SHOC1: variants seen among roughly 807,000 people sequenced by gnomAD.
The protein encoded by SHOC1 is protein shortage in chiasmata 1 ortholog.
In SHOC1, 136 loss-of-function variants were observed where a neutral mutation model predicts 179.2. That is an observed-to-expected ratio of 0.76 (90% CI 0.66 to 0.87). The LOEUF (loss-of-function observed/expected upper bound fraction) is 0.87, where lower values mean the gene tolerates loss of function less well. Among genes scored for constraint, SHOC1 ranks in the 40% least tolerant of loss-of-function variants. The probability of loss-of-function intolerance (pLI) is 0.00; values close to 1 mark genes in which losing one functional copy is unlikely to be tolerated. For missense variants in SHOC1, 1,538 were observed against 1,700.8 expected (o/e 0.90, Z 1.68); for synonymous variants, 489 against 586.6 (o/e 0.83, Z 2.41).
intron 3 of SHOC1, chr9:111,783,579 T>C (rs823631): frequency 0.076 from 11,562 of 152,276 alleles, 633 homozygotes; most frequent in South Asian, 0.21. Flanking sequence ...GTTAGAGTGT[T>C]CCAGGGCTCT....
chr9:111,705,170 TACACACACACACACACACACACACAC>T, intron 21 of SHOC1, 51 bp downstream of exon 21: 4 of 492,134 alleles, frequency 8.1e-6, no homozygotes, highest in Non-Finnish European at 1.4e-5. Flanking sequence ...AGAATATATA[TACACACACACACACACACACACACAC>T]ATATATATAT....
intron 8 of SHOC1, among the ~76,000 whole-genome samples, chr9:111,754,167 T>G (rs1834745244): frequency 6.6e-6 from 1 of 152,076 alleles, no homozygotes; most frequent in Non-Finnish European, 1.5e-5. Context: ...TACAATTTTG[T>G]CACAAAAACA....
At chr9:111,702,027 T>C (rs1831994130) in intron 23 of SHOC1, 78 bp downstream of exon 23, 9 of 1,029,216 alleles carry the variant, frequency 8.7e-6, no homozygotes, top group Admixed American at 2.9e-5. Flanking sequence ...GAAAATTGCA[T>C]AGCCATTTCC....
intron 1 of SHOC1, among the ~76,000 whole-genome samples, chr9:111,792,909 G>A (rs1836495091): frequency 6.6e-6 from 1 of 150,812 alleles, no homozygotes; most frequent in African/African-American, 2.4e-5. Flanking sequence ...TTGAGACGGA[G>A]TCTCGCTCTG....
chr9:111,700,805 G>A (rs1177724554), intron 23 of SHOC1, among the ~76,000 whole-genome samples: 1 of 151,770 alleles, frequency 6.6e-6, no homozygotes, highest in African/African-American at 2.4e-5. Flanking sequence ...TCTTCTTAGA[G>A]TCTAGAACTT....
chr9:111,779,511 G>A (rs935506117), intron 4 of SHOC1, among the ~76,000 whole-genome samples: 1 of 152,186 alleles, frequency 6.6e-6, no homozygotes, highest in Non-Finnish European at 1.5e-5. Flanking sequence ...CTGGAGACAT[G>A]CTGTTTCCTC....
chr9:111,758,921 T>C, intron 5 of SHOC1, 73 bp from the exon 6 acceptor site: 1 of 964,368 alleles, frequency 1.0e-6, no homozygotes, highest in Non-Finnish European at 1.5e-6. Flanking sequence ...AGATAGTTAA[T>C]GTAATCAGTC....
intron 2 of SHOC1, among the ~76,000 whole-genome samples, chr9:111,789,609 C>A (rs562127373): frequency 6.6e-5 from 10 of 152,166 alleles, no homozygotes; most frequent in Non-Finnish European, 1.5e-4. Flanking sequence ...AATATCTTTA[C>A]TTGTTATTTG....
At position 111,714,483 on chromosome 9, in the gene SHOC1, G is replaced by C. The variant is rs772400607; in HGVS notation, c.2377C>G (p.Gln793Glu). 54 of 1,613,700 alleles carry C rather than the reference G, an allele frequency of 3.3e-5. No individual in the cohort carries two copies. Among genetic ancestry groups the C allele is most frequent in the South Asian group, 1.8e-4 (16 of 91,072 alleles). Residue 793 changes from glutamine to glutamate, a missense_variant, in exon 17 of 28, where the codon CAG becomes GAG. Coordinates refer to ENST00000682961, the MANE Select transcript of SHOC1 (RefSeq NM_001378211.1). ...TNYKIQELQC[Q>E]ILSWMQSQQQ... ...TGACTTTGCATCCAACTTAGTATCTGACATTGCAATTCTTGTATCTTGTAG... is the reference window on the plus strand; with the variant it reads ...TGACTTTGCATCCAACTTAGTATCTCACATTGCAATTCTTGTATCTTGTAG...
rs1353960950 is a variant in SHOC1 at position 111,691,689 on chromosome 9, A to C, written c.4288T>G (p.Leu1430Val). Residue 1430 changes from leucine to valine, a missense_variant, in exon 27 of 28, where the codon TTA becomes GTA. By Grantham distance (32) the Leu-to-Val change is conservative. Transcript: ENST00000682961. ...GCATTAGAATCAGAAGCACGAAATAAATCCAAACTGGGGACAGATGGTAAT... is the reference window on the plus strand; with the variant it reads ...GCATTAGAATCAGAAGCACGAAATACATCCAAACTGGGGACAGATGGTAAT... ...RELPSVPSLD[L>V]FRASDSNANQ... 1 of 1,614,014 alleles carries C rather than the reference A, an allele frequency of 6.2e-7. No individual in the cohort carries two copies. The highest frequency in any genetic ancestry group is 2.2e-5 in the East Asian group (1 of 44,870).
intron 17 of SHOC1, among the ~76,000 whole-genome samples, 159 bp downstream of exon 17, chr9:111,714,286 G>A (rs1481095783): frequency 6.6e-6 from 1 of 152,128 alleles, no homozygotes; most frequent in Non-Finnish European, 1.5e-5. Flanking sequence ...TCCTTTCTAT[G>A]GGTCTGATTC....
At chr9:111,728,198 G>A in intron 12 of SHOC1, 149 bp from the exon 13 acceptor site, 3 of 562,158 alleles carry the variant, frequency 5.3e-6, no homozygotes, top group Non-Finnish European at 8.4e-6. Flanking sequence ...ATCAATTTTT[G>A]GTCTGAATAA....
intron 27 of SHOC1, among the ~76,000 whole-genome samples, chr9:111,691,013 C>T (rs1831401460): frequency 6.6e-6 from 1 of 152,112 alleles, no homozygotes; most frequent in South Asian, 2.1e-4. Context: ...AAGCTAGAAT[C>T]ACTAGAAACA....
intron 1 of SHOC1, among the ~76,000 whole-genome samples, chr9:111,792,917 C>G (rs999341822): frequency 4.0e-5 from 6 of 151,666 alleles, no homozygotes; most frequent in Non-Finnish European, 8.8e-5. Flanking sequence ...GAGTCTCGCT[C>G]TGTCCCCCAG....
rs748120625 is a variant in SHOC1, at chr9:111,714,450, T to C, written c.2410A>G (p.Ile804Val). The C allele has an allele frequency of 5.6e-6, 9 of 1,613,452 alleles. No individual in the cohort carries two copies. Among genetic ancestry groups the C allele is most frequent in the Middle Eastern group, 3.3e-4 (2 of 6,052 alleles). ...GCTTTATTCCAATACTTAACCTTAATTTGCTGTTGACTTTGCATCCAACTT... is the reference window on the plus strand; with the variant it reads ...GCTTTATTCCAATACTTAACCTTAACTTGCTGTTGACTTTGCATCCAACTT... ...ILSWMQSQQQ[I>V]KVLIIIRMDS... The change falls in exon 17 of 28, where the codon ATT becomes GTT. Residue 804 changes from isoleucine to valine, a missense_variant. Ile to Val is a conservative substitution (Grantham distance 29). Transcript: ENST00000682961.
Position 111,775,791 on chromosome 9 carries a change from C to G in SHOC1, c.442G>C (p.Asp148His). ...KCSALQNQNQ[D>H]LFIDDKGILF... ...CAACAATATAAAATAAACGTTTTAC[C>G]TTGGTTCTGGTTTTGAAGTGCTGAA... The change falls in exon 5 of 28, where the codon GAT (aspartate) becomes CAT (histidine). Residue 148 changes from aspartate to histidine, a missense_variant and splice_region_variant. By Grantham distance (81) the Asp-to-His change is moderately conservative (BLOSUM62 -1). Coordinates refer to ENST00000682961, the MANE Select transcript of SHOC1 (RefSeq NM_001378211.1). The G allele has an allele frequency of 6.3e-7, 1 of 1,597,528 alleles. No individual in the cohort carries two copies. The highest frequency in any genetic ancestry group is 2.2e-5 in the East Asian group (1 of 44,466).
intron 6 of SHOC1, 71 bp from the exon 7 acceptor site, chr9:111,758,266 C>A: frequency 1.3e-6 from 1 of 777,484 alleles, no homozygotes; most frequent in Admixed American, 3.3e-5. Flanking sequence ...AACCAAAACA[C>A]ATAATCATTA....
chr9:111,783,628 G>A (rs958695996), intron 3 of SHOC1: 2 of 152,140 alleles, frequency 1.3e-5, no homozygotes, highest in Non-Finnish European at 2.9e-5. Context: ...CATGCTCTCA[G>A]TGACTTCATC....
chr9:111,777,456 C>T (rs1441564433), intron 4 of SHOC1, among the ~76,000 whole-genome samples: 2 of 152,160 alleles, frequency 1.3e-5, no homozygotes. Context: ...TGAACAAGGA[C>T]AGCTTAAAGG....
Sources: allele counts gnomAD v4.1 joint callset (sites outside exome capture counted in the v4.1 genomes callset), GRCh38; gene constraint gnomAD v4.1.1; transcripts MANE v1.5; gene names NCBI Gene and HGNC (gene_info 2026-07-23, HGNC 2026-07-21).